PGR: variants seen among roughly 807,000 people sequenced by gnomAD.
The protein encoded by PGR is progesterone receptor, also known as nuclear receptor subfamily 3 group C member 3.
A neutral mutation model predicts 76.1 loss-of-function variants in PGR; 25 were observed. The ratio of observed to expected loss-of-function variants is 0.33; its 90% CI spans 0.24 to 0.46. The LOEUF (loss-of-function observed/expected upper bound fraction) is 0.46. PGR is among the 20% of genes least tolerant of loss of function. The pLI is 1.00. For synonymous variants in PGR, 579 were observed against 535.0 expected (o/e 1.08, Z -1.14); for missense variants, 1,172 against 1,225.3 (o/e 0.96, Z 0.65).
chr11:101,082,654 T>C (rs1209902623), intron 3 of PGR, among the ~76,000 whole-genome samples: 1 of 152,158 alleles, frequency 6.6e-6, no homozygotes, highest in Non-Finnish European at 1.5e-5. Context: ...CTGTGAAGCT[T>C]TGAACTTGAG....
chr11:101,075,174 T>A (rs780819555), intron 3 of PGR, among the ~76,000 whole-genome samples: 7 of 151,496 alleles, frequency 4.6e-5, no homozygotes, highest in South Asian at 2.1e-4. Flanking sequence ...ATGCCACACA[T>A]CTACCATCTG....
chr11:101,058,380 C>T (rs1242121420), intron 4 of PGR, among the ~76,000 whole-genome samples: 4 of 152,048 alleles, frequency 2.6e-5, no homozygotes, highest in Non-Finnish European at 5.9e-5. Flanking sequence ...TTAATTTAGT[C>T]TTCTGATTCG....
intron 2 of PGR, among the ~76,000 whole-genome samples, chr11:101,111,519 C>A (rs1423052978): frequency 6.6e-6 from 1 of 152,158 alleles, no homozygotes; most frequent in Non-Finnish European, 1.5e-5. Context: ...GTATCTGGCT[C>A]CCCTCTGAGC....
chr11:101,033,760 A>G lies in PGR; in HGVS notation c.*5356T>C, dbSNP rs915095469. 7 of 206,772 alleles carry G rather than the reference A, an allele frequency of 3.4e-5. No homozygotes were observed. The highest frequency in any genetic ancestry group is 1.6e-4 in the African/African-American group (7 of 43,956). The allele number at this position is 206,772 out of a possible 1,614,324, so 12.8% of individuals were successfully genotyped here. ...AAACCACTGCTGTCTAAAATAATTCATAACAGTAAAAATGCAGATTAGTAA... is the reference window on the plus strand; with the variant it reads ...AAACCACTGCTGTCTAAAATAATTCGTAACAGTAAAAATGCAGATTAGTAA... On this transcript the variant is annotated 3_prime_UTR_variant, in exon 8 of 8. Coordinates refer to ENST00000325455, the MANE Select transcript of PGR (RefSeq NM_000926.4).
At chr11:101,101,182 A>T (rs1381291110) in intron 2 of PGR, among the ~76,000 whole-genome samples, 1 of 152,160 alleles carries the variant, frequency 6.6e-6, no homozygotes, top group Non-Finnish European at 1.5e-5. Context: ...GATAATTCAC[A>T]CCAACCAAAA....
chr11:101,060,398 C>T (rs1860449638), intron 4 of PGR, among the ~76,000 whole-genome samples: 1 of 152,140 alleles, frequency 6.6e-6, no homozygotes. Flanking sequence ...ACACCATGAG[C>T]CCAGCCTTGT....
At chr11:101,047,427 A>C (rs1163414467) in intron 6 of PGR, among the ~76,000 whole-genome samples, 2 of 152,256 alleles carry the variant, frequency 1.3e-5, no homozygotes, top group East Asian at 3.9e-4. Flanking sequence ...GTTCCACGTA[A>C]ATATCCTTTG....
At chr11:101,045,339 A>C (rs1002616805) in intron 6 of PGR, among the ~76,000 whole-genome samples, 1 of 152,148 alleles carries the variant, frequency 6.6e-6, no homozygotes, top group African/African-American at 2.4e-5. Context: ...TTTAATGACC[A>C]TCTGTGCAGT....
At chr11:101,120,671 C>T (rs1862644619) in intron 2 of PGR, among the ~76,000 whole-genome samples, 1 of 151,936 alleles carries the variant, frequency 6.6e-6, no homozygotes, top group African/African-American at 2.4e-5. Context: ...GAACATATTC[C>T]ACACACACAT....
chr11:101,128,528 G>C lies in PGR; in HGVS notation c.543C>G (p.Ala181=), dbSNP rs762615159. Residue 181 remains alanine, a synonymous_variant, in exon 1 of 8, where the codon GCC becomes GCG. Transcript: ENST00000325455. ...KVGDSSGTAA[A]HKVLPRGLSP... is the part of the protein sequence containing the mutation. ...ACAGGCCCCGGGGCAGCACTTTATG[G>C]GCAGCTGCCGTCCCGGAGCTGTCTC... The C allele has an allele frequency of 4.9e-5, 78 of 1,600,530 alleles. No individual in the cohort carries two copies. The highest frequency in any genetic ancestry group is 6.4e-5 in the Non-Finnish European group (75 of 1,177,022).
At position 101,129,376 on chromosome 11, in the gene PGR, C is replaced by T. The variant is rs1863027728; in HGVS notation, c.-306G>A. ...CTCGTCTCCTAACTCGGGGAGTTCT[C>T]CAAGAGAGTTCTCCAACTTCTGTCC... On this transcript the variant is annotated 5_prime_UTR_variant, in exon 1 of 8. Transcript: ENST00000325455. The T allele has an allele frequency of 2.8e-6, 1 of 354,470 alleles. No individual in the cohort carries two copies. Among genetic ancestry groups the T allele is most frequent in the Non-Finnish European group, 5.1e-6 (1 of 195,434 alleles). The allele number at this position is 354,470 out of a possible 1,614,324, so 22.0% of individuals were successfully genotyped here. A position where few individuals can be genotyped will look rare whatever the true frequency, so the allele number is the denominator to read the frequency against.
At position 101,128,055 on chromosome 11, in the gene PGR, A is replaced by G; in HGVS notation, c.1016T>C (p.Phe339Ser). ...ACAGGGTGAACTCCGCGGCGGGGCA[A>G]AGGCGCTGGCAGCCCCGGCCCCGCC... ...YDGGAGAASA[F>S]APPRSSPCAS... The change falls in exon 1 of 8, where the codon TTT becomes TCT. Residue 339 changes from phenylalanine to serine, a missense_variant. Around this residue, in one of 4 missense-constraint regions of PGR, gnomAD observed 893 missense variants for 785.9 expected, o/e 1.14. Transcript: ENST00000325455. 1 of 1,603,470 alleles carries G rather than the reference A, an allele frequency of 6.2e-7. No individual in the cohort carries two copies. Among genetic ancestry groups the G allele is most frequent in the Non-Finnish European group, 8.5e-7 (1 of 1,179,660 alleles).
In PGR at chr11:101,127,420, TCC is replaced by T. The variant is rs750203792; in HGVS notation, c.1637+12_1637+13del. The T allele has an allele frequency of 6.5e-7, 1 of 1,529,736 alleles. No individual in the cohort carries two copies. Among genetic ancestry groups the T allele is most frequent in the South Asian group, 1.2e-5 (1 of 82,674 alleles). 94.8% of individuals were successfully genotyped at this position (1,529,736 alleles called of 1,614,324 possible). On this transcript the variant is annotated intron_variant, in intron 1 of 7. Coordinates refer to ENST00000325455, the MANE Select transcript of PGR (RefSeq NM_000926.4). Reference sequence around the variant, plus strand: ...TCCCGGACGCGCTGGGCGTGCCCCGTCCCGGGCCCTCACCTCAGGTAGTTGAG... The same window carrying T: ...TCCCGGACGCGCTGGGCGTGCCCCGTCGGGCCCTCACCTCAGGTAGTTGAG...
chr11:101,066,043 A>G (rs1565341005), intron 3 of PGR, among the ~76,000 whole-genome samples: 1 of 152,128 alleles, frequency 6.6e-6, no homozygotes, highest in Non-Finnish European at 1.5e-5. Context: ...CTTCTCACCC[A>G]CTCAGGGACT....
intron 4 of PGR, among the ~76,000 whole-genome samples, chr11:101,053,413 A>G (rs1412752524): frequency 2.0e-5 from 3 of 152,120 alleles, no homozygotes; most frequent in African/African-American, 2.4e-5. Flanking sequence ...ACTCAAATGC[A>G]TATTCATAAT....
chr11:101,127,620 C>T lies in PGR; in HGVS notation c.1451G>A (p.Gly484Asp). Residue 484 changes from glycine (G) to aspartate (D), a missense_variant, in exon 1 of 8, where the codon GGC becomes GAC. Gly to Asp is a moderately conservative substitution (Grantham distance 94). Around this residue, in one of 4 missense-constraint regions of PGR, gnomAD observed 893 missense variants for 785.9 expected, o/e 1.14. Coordinates refer to ENST00000325455, the MANE Select transcript of PGR (RefSeq NM_000926.4). ...PFAPPPCKAP[G>D]ASGCLLPRDG... ...CCGCGGGAGCAGGCAGCCGCTCGCG[C>T]CCGGCGCCTTGCAGGGCGGCGGCGC... The T allele has an allele frequency of 7.6e-7, 1 of 1,319,732 alleles. No individual in the cohort carries two copies. The highest frequency in any genetic ancestry group is 9.6e-7 in the Non-Finnish European group (1 of 1,044,190). 81.8% of individuals were successfully genotyped at this position (1,319,732 alleles called of 1,614,324 possible).
At chr11:101,075,471 G>T (rs1268443198) in intron 3 of PGR, among the ~76,000 whole-genome samples, 2 of 152,014 alleles carry the variant, frequency 1.3e-5, no homozygotes, top group Non-Finnish European at 2.9e-5. Context: ...TTGACAAATG[G>T]GATCTAATTA....
At position 101,128,370 on chromosome 11, in the gene PGR, C is replaced by T. The variant is rs909621874; in HGVS notation, c.701G>A (p.Gly234Asp). 1.9e-6 allele frequency: 3 copies of T among 1,606,876 alleles called. No homozygotes were observed. Among genetic ancestry groups the T allele is most frequent in the Non-Finnish European group, 2.5e-6 (3 of 1,179,636 alleles). The change falls in exon 1 of 8, where the codon GGT becomes GAT. Residue 234 changes from glycine (G) to aspartate (D), a missense_variant. Around this residue, in one of 4 missense-constraint regions of PGR, gnomAD observed 893 missense variants for 785.9 expected, o/e 1.14. Transcript: ENST00000325455. ...CCGAGGTTTGCCCTTCAGAAGCGGA[C>T]CCGCAGACTCCTCGGACTCAGAGCC... Reference protein sequence around the residue: ...EDGSESEESAGPLLKGKPRAL... With the variant: ...EDGSESEESADPLLKGKPRAL...
rs1591394122 is a variant in PGR at position 101,077,312 on chromosome 11, CTTTATAG to C, written c.1906+14441_1906+14447del. Reference sequence around the variant, plus strand: ...CCACTGGCACTACACTTTAACAATCCTTTATAGCACTGATAGTGCTTGCCTTCCATTT... The same window carrying C: ...CCACTGGCACTACACTTTAACAATCCCACTGATAGTGCTTGCCTTCCATTT... On this transcript the variant is annotated intron_variant, in intron 3 of 7. Coordinates refer to ENST00000325455, the MANE Select transcript of PGR (RefSeq NM_000926.4). Among the ~76,000 whole-genome samples the C allele has an allele frequency of 4.6e-5, 7 of 152,196 alleles. No homozygotes were observed. In the East Asian group the frequency reaches 1.4e-3, roughly 29 times the overall value.
Sources: gnomAD v4.1 joint callset for allele counts (sites outside exome capture counted in the v4.1 genomes callset) on GRCh38, gnomAD v4.1.1 for gene constraint, gnomAD v4.1.1 regional missense constraint, MANE v1.5 for transcripts, NCBI Gene and HGNC (gene_info 2026-07-23, HGNC 2026-07-21) for gene names.